HTRA3: variants seen among roughly 807,000 people sequenced by gnomAD.
HTRA3 encodes the protein serine protease HTRA3.
In HTRA3, 41 loss-of-function variants were observed where a neutral mutation model predicts 43.2. The observed-to-expected ratio is 0.95, with a 90% CI of 0.74 to 1.23. The LOEUF (loss-of-function observed/expected upper bound fraction) is 1.23. Among genes scored for constraint, HTRA3 ranks in the 50% most tolerant of loss-of-function variants. The pLI, the probability that HTRA3 is intolerant of heterozygous loss-of-function variation, is 0.00. For missense variants in HTRA3, 628 were observed against 647.1 expected (o/e 0.97, Z 0.32); for synonymous variants, 295 against 287.9 (o/e 1.02, Z -0.25).
At chr4:8,304,643 GTTTTTTTTT>G (rs140790982) in intron 8 of HTRA3, among the ~76,000 whole-genome samples, 1 of 62,734 alleles carries the variant, frequency 1.6e-5, no homozygotes, top group African/African-American at 6.8e-5. Context: ...TCAGCCTATT[GTTTTTTTTT>G]TTTTTTTTTT....
In HTRA3 at chr4:8,296,688, G is replaced by A. The variant is rs754818797; in HGVS notation, c.1051+2487G>A. On this transcript the variant is annotated intron_variant, in intron 6 of 8. Transcript: ENST00000307358. The surrounding 1 kb of genome is among the most constrained non-coding windows in gnomAD (Gnocchi z 5.3). ...AGAGAGTAGCCCCACATGGGGTGGT[G>A]TGGGGTGTTTGATTCATGGAGTGGG... Among the ~76,000 whole-genome samples the A allele has an allele frequency of 4.5e-4, 69 of 152,146 alleles. No homozygotes were observed. Among genetic ancestry groups the A allele is most frequent in the Non-Finnish European group, 8.1e-4 (55 of 68,036 alleles).
Position 8,306,102 on chromosome 4 carries a change from T to C in HTRA3, c.1328T>C (p.Leu443Pro). 6.2e-7 allele frequency: 1 copy of C among 1,604,676 alleles called. No homozygotes were observed. Among genetic ancestry groups the C allele is most frequent in the South Asian group, 1.1e-5 (1 of 90,164 alleles). ...GAGGTGCGGCGGGGGAACGACGACC[T>C]CCTCTTCAGCATCGCACCTGAGGTG... ...LLEVRRGNDDLLFSIAPEVVM is the reference protein window; with the variant it reads ...LLEVRRGNDDPLFSIAPEVVM The change falls in exon 9 of 9, where the codon CTC becomes CCC. Residue 443 changes from leucine to proline, a missense_variant. Transcript: ENST00000307358. This position sits in a 1 kb window ranked among gnomAD's most constrained non-coding sequence, Gnocchi z 8.9.
rs540658678 is a variant in HTRA3 at position 8,287,707 on chromosome 4, A to G, written c.708+924A>G. 2.6e-4 allele frequency among the ~76,000 whole-genome samples: 40 copies of G among 152,278 alleles called. No individual in the cohort carries two copies. The South Asian group carries it at 4.6e-3, about 17-fold the overall frequency. On this transcript the variant is annotated intron_variant, in intron 3 of 8. Transcript: ENST00000307358. ...CAACACATGGGGATTACAATTTGACATGAGATTTGGGTGGCGACACAGAGC... is the reference window on the plus strand; with the variant it reads ...CAACACATGGGGATTACAATTTGACGTGAGATTTGGGTGGCGACACAGAGC...
In HTRA3 at chr4:8,282,438, T is replaced by C. The variant is rs548987576; in HGVS notation, c.387T>C (p.Gly129=). The C allele has an allele frequency of 1.9e-6, 3 of 1,612,518 alleles. No homozygotes were observed. Among genetic ancestry groups the C allele is most frequent in the Non-Finnish European group, 2.5e-6 (3 of 1,179,266 alleles). ...RQLQKGACPL[G]LHQLSSPRYK... ...ACCTGGCCCTTCCCGCCAGCGCAGG[T>C]CTCCACCAGCTGAGCAGCCCGCGCT... The change falls in exon 2 of 9, where the codon GGT becomes GGC. Residue 129 remains glycine (G), a splice_region_variant and synonymous_variant. Coordinates refer to ENST00000307358, the MANE Select transcript of HTRA3 (RefSeq NM_053044.5).
chr4:8,298,279 C>T (rs1263220372), intron 6 of HTRA3, among the ~76,000 whole-genome samples: 1 of 152,258 alleles, frequency 6.6e-6, no homozygotes, highest in Non-Finnish European at 1.5e-5. Flanking sequence ...ACCCCATCTC[C>T]CACATGGTTT....
In HTRA3 at chr4:8,269,893, C is replaced by A; in HGVS notation, c.-76C>A. 1.4e-6 allele frequency: 1 copy of A among 719,554 alleles called. No individual in the cohort carries two copies. The highest frequency in any genetic ancestry group is 1.7e-6 in the Non-Finnish European group (1 of 583,796). 44.6% of individuals were successfully genotyped at this position (719,554 alleles called of 1,614,324 possible). On this transcript the variant is annotated 5_prime_UTR_variant, in exon 1 of 9. Coordinates refer to ENST00000307358, the MANE Select transcript of HTRA3 (RefSeq NM_053044.5). ...CCATCCGTAGGCGCCCGGCGCCCGG[C>A]CCCGCAGCGGCCTCGTTGTCCCCGC... is the stretch of plus-strand genomic sequence containing the variant.
intron 6 of HTRA3, among the ~76,000 whole-genome samples, chr4:8,301,952 T>C (rs369841410): frequency 6.6e-6 from 1 of 152,200 alleles, no homozygotes; most frequent in African/African-American, 2.4e-5. Flanking sequence ...TTGGAGCAGC[T>C]TGGGGGATGG....
At chr4:8,281,280 GC>G (rs373515862) in intron 1 of HTRA3, among the ~76,000 whole-genome samples, 24 of 152,312 alleles carry the variant, frequency 1.6e-4, no homozygotes, top group African/African-American at 5.5e-4. Flanking sequence ...CCCATGCCCG[GC>G]CACTTCCCAG....
rs1419847391 is a variant in HTRA3 at position 8,270,250 on chromosome 4, G to A, written c.282G>A (p.Gly94=). Residue 94 remains glycine (G), a synonymous_variant, in exon 1 of 9, where the codon GGG becomes GGA. Transcript: ENST00000307358. ...CGCACGCCGTGTGTGGCACCGACGG[G>A]CACACCTATGCCAACGTGTGCGCGC... ...RWSHAVCGTD[G]HTYANVCALQ... 2 of 1,522,078 alleles carry A rather than the reference G, an allele frequency of 1.3e-6. No homozygotes were observed. Among genetic ancestry groups the A allele is most frequent in the Admixed American group, 2.0e-5 (1 of 49,736 alleles). 94.3% of individuals were successfully genotyped at this position (1,522,078 alleles called of 1,614,324 possible).
At chr4:8,281,961 G>A (rs537723510) in intron 1 of HTRA3, among the ~76,000 whole-genome samples, 7 of 152,318 alleles carry the variant, frequency 4.6e-5, no homozygotes, top group Admixed American at 1.3e-4. Flanking sequence ...CTACACCCCC[G>A]CCTGGACACT....
chr4:8,275,691 G>C (rs1712492319), intron 1 of HTRA3, among the ~76,000 whole-genome samples: 1 of 152,230 alleles, frequency 6.6e-6, no homozygotes, highest in African/African-American at 2.4e-5. Context: ...CTTTGAGGGA[G>C]GGAGGCCACC....
intron 7 of HTRA3, among the ~76,000 whole-genome samples, chr4:8,303,088 T>G (rs1044261908): frequency 6.6e-6 from 1 of 152,230 alleles, no homozygotes; most frequent in Admixed American, 6.5e-5. Flanking sequence ...ACTAATGACA[T>G]CTATAAAGGT....
rs1380432384 is a variant in HTRA3 at position 8,302,476 on chromosome 4, C to G, written c.1065C>G (p.Arg355=). The G allele has an allele frequency of 1.9e-6, 3 of 1,614,112 alleles. No homozygotes were observed. The highest frequency in any genetic ancestry group is 3.3e-4 in the Middle Eastern group (2 of 6,062). Residue 355 remains arginine (R), a synonymous_variant, in exon 7 of 9, where the codon CGC becomes CGG. Transcript: ENST00000307358. ...QDKQIKDWKK[R]FIGIRMRTIT... ...TTTCATTTCCAGACTGGAAGAAGCG[C>G]TTCATCGGCATACGGATGCGGACGA...
intron 1 of HTRA3, among the ~76,000 whole-genome samples, chr4:8,272,352 C>T (rs1375019032): frequency 6.6e-6 from 1 of 152,142 alleles, no homozygotes; most frequent in Non-Finnish European, 1.5e-5. Flanking sequence ...AGTCTTATCC[C>T]CAGAGACAGG....
chr4:8,270,149 C>A lies in HTRA3; in HGVS notation c.181C>A (p.Pro61Thr). The A allele has an allele frequency of 6.5e-7, 1 of 1,543,974 alleles. No individual in the cohort carries two copies. The highest frequency in any genetic ancestry group is 8.6e-7 in the Non-Finnish European group (1 of 1,157,720). Reference protein sequence around the residue: ...CLVCAASEGEPCGGPLDSPCG... With the variant: ...CLVCAASEGETCGGPLDSPCG... ...GGTGTGCGCCGCCAGCGAGGGCGAG[C>A]CCTGTGGCGGCCCTCTGGACTCGCC... is the stretch of plus-strand genomic sequence containing the variant. The change falls in exon 1 of 9, where the codon CCC becomes ACC. Residue 61 changes from proline to threonine, a missense_variant. Pro to Thr is a conservative substitution (Grantham distance 38, BLOSUM62 -1). Coordinates refer to ENST00000307358, the MANE Select transcript of HTRA3 (RefSeq NM_053044.5).
chr4:8,298,132 C>T (rs115357947), intron 6 of HTRA3, among the ~76,000 whole-genome samples: 156 of 152,318 alleles, frequency 1.0e-3, no homozygotes, highest in Non-Finnish European at 1.8e-3. Flanking sequence ...GGATGCTGCC[C>T]CATCCTCCAC....
In HTRA3 at chr4:8,287,988, C is replaced by T. The variant is rs988349086; in HGVS notation, c.708+1205C>T. ...CCATGTCTCACACCAGCGTTGGACC[C>T]GGAGCTTCCCTTGGACTGGGAAGTT... is the stretch of plus-strand genomic sequence containing the variant. On this transcript the variant is annotated intron_variant, in intron 3 of 8. Coordinates refer to ENST00000307358, the MANE Select transcript of HTRA3 (RefSeq NM_053044.5). 1.2e-4 allele frequency among the ~76,000 whole-genome samples: 19 copies of T among 152,354 alleles called. No individual in the cohort carries two copies. In the East Asian group the frequency reaches 1.7e-3, roughly 14 times the overall value.
intron 6 of HTRA3, among the ~76,000 whole-genome samples, chr4:8,299,329 C>T (rs1489246449): frequency 1.3e-5 from 2 of 152,170 alleles, no homozygotes; most frequent in Non-Finnish European, 2.9e-5. Flanking sequence ...TTTGGATGTT[C>T]ACCATAAGAT....
intron 3 of HTRA3, among the ~76,000 whole-genome samples, chr4:8,289,764 A>G (rs975942908): frequency 8.0e-5 from 12 of 149,954 alleles, no homozygotes; most frequent in African/African-American, 3.0e-4. Flanking sequence ...AGGATGGCTG[A>G]CCCTCCCCAG....
Sources: allele counts gnomAD v4.1 joint callset (sites outside exome capture counted in the v4.1 genomes callset), GRCh38; gene constraint gnomAD v4.1.1; non-coding constraint Gnocchi (gnomAD v3.1); transcripts MANE v1.5; gene names NCBI Gene and HGNC (gene_info 2026-07-23, HGNC 2026-07-21).